Variants in SYNPR observed in about 807,000 individuals in gnomAD.
The protein encoded by SYNPR is synaptoporin.
SYNPR carries 23 observed loss-of-function variants against 32.9 expected under a neutral mutation model. The observed-to-expected ratio is 0.70, with a 90% CI of 0.50 to 0.99. The LOEUF (loss-of-function observed/expected upper bound fraction) is 0.99. Among genes scored for constraint, SYNPR ranks in the 50% least tolerant of loss-of-function variants. SYNPR has a pLI of 0.00. For synonymous variants in SYNPR, 146 were observed against 135.9 expected (o/e 1.07, Z -0.52); for missense variants, 318 against 349.3 (o/e 0.91, Z 0.71).
At chr3:63,542,719 T>C (rs111766384) in intron 3 of SYNPR, among the ~76,000 whole-genome samples, 48 of 152,248 alleles carry the variant, frequency 3.2e-4, no homozygotes, top group African/African-American at 1.1e-3. Context: ...AGAGAGCACC[T>C]GCCATATACT....
At chr3:63,494,449 AC>A (rs1701325755) in intron 3 of SYNPR, among the ~76,000 whole-genome samples, 1 of 108,652 alleles carries the variant, frequency 9.2e-6, no homozygotes, top group Non-Finnish European at 1.9e-5. Flanking sequence ...ATATATATAC[AC>A]ATATATATAC....
At position 63,393,703 on chromosome 3, in the gene SYNPR, G is replaced by T. The variant is rs190606636; in HGVS notation, c.85-87129G>T. Among the ~76,000 whole-genome samples, 5 of 151,922 alleles carry T rather than the reference G, an allele frequency of 3.3e-5. No individual in the cohort carries two copies. The East Asian group carries it at 9.7e-4, about 30-fold the overall frequency. Reference sequence around the variant, plus strand: ...TTTGTTTTGTTTTGTAAAGACAGGGGTCTTGCTGTGTTGCTCAGGGTGGTC... The same window carrying T: ...TTTGTTTTGTTTTGTAAAGACAGGGTTCTTGCTGTGTTGCTCAGGGTGGTC... On this transcript the variant is annotated intron_variant, in intron 2 of 5. Coordinates refer to ENST00000478300, the MANE Select transcript of SYNPR (RefSeq NM_001130003.2).
intron 2 of SYNPR, among the ~76,000 whole-genome samples, chr3:63,332,593 CCTTAAT>C (rs2087241930): frequency 6.6e-6 from 1 of 152,140 alleles, no homozygotes; most frequent in Non-Finnish European, 1.5e-5. Flanking sequence ...TGGGTTTTAA[CCTTAAT>C]AATAATGAAA....
intron 2 of SYNPR, among the ~76,000 whole-genome samples, chr3:63,419,574 TAAG>T (rs1559494510): frequency 6.6e-6 from 1 of 152,090 alleles, no homozygotes; most frequent in Non-Finnish European, 1.5e-5. Flanking sequence ...TATTTAAAGG[TAAG>T]AAGATTTTAT....
upstream of SYNPR, chr3:63,278,057 C>G (rs1292008797): frequency 6.4e-6 from 1 of 155,276 alleles, no homozygotes; most frequent in Admixed American, 6.5e-5. Flanking sequence ...CCTGGAAACC[C>G]CTTCTTCAGG....
intron 3 of SYNPR, among the ~76,000 whole-genome samples, chr3:63,535,703 G>C (rs889166962): frequency 6.6e-6 from 1 of 150,608 alleles, no homozygotes; most frequent in Non-Finnish European, 1.5e-5. Context: ...TTCAACAAAA[G>C]GTGCTGAGAC....
chr3:63,227,569 A>G (rs1273604373), upstream of SYNPR, among the ~76,000 whole-genome samples: 1 of 152,168 alleles, frequency 6.6e-6, no homozygotes, highest in Non-Finnish European at 1.5e-5. Flanking sequence ...ATCACATTCC[A>G]TGTTATCAGG....
chr3:63,402,458 C>G (rs944872210), intron 2 of SYNPR, among the ~76,000 whole-genome samples: 3 of 152,148 alleles, frequency 2.0e-5, no homozygotes. Flanking sequence ...ATTTTATAAT[C>G]CAGGGTCTGT....
intron 2 of SYNPR, among the ~76,000 whole-genome samples, chr3:63,284,177 C>G (rs1371814530): frequency 6.6e-6 from 1 of 151,802 alleles, no homozygotes; most frequent in South Asian, 2.1e-4. Context: ...TTTCCCTTTT[C>G]TTCTAAAAAA....
intron 2 of SYNPR, among the ~76,000 whole-genome samples, chr3:63,470,650 T>A (rs576126256): frequency 6.6e-6 from 1 of 152,306 alleles, no homozygotes; most frequent in East Asian, 1.9e-4. Context: ...CTCATCAGTT[T>A]CTGTGTCAGA....
At position 63,431,897 on chromosome 3, in the gene SYNPR, A is replaced by T. The variant is rs139766202; in HGVS notation, c.85-48935A>T. Reference sequence around the variant, plus strand: ...TTTCCAAAGCCCCTGTATGCATTGCAGCAGGCACTGTTAAGGCCATGCACC... The same window carrying T: ...TTTCCAAAGCCCCTGTATGCATTGCTGCAGGCACTGTTAAGGCCATGCACC... On this transcript the variant is annotated intron_variant, in intron 2 of 5. Coordinates refer to ENST00000478300, the MANE Select transcript of SYNPR (RefSeq NM_001130003.2). Among the ~76,000 whole-genome samples the T allele has an allele frequency of 3.5e-3, 521 of 149,432 alleles. 3 individuals are homozygous for T. The highest frequency in any genetic ancestry group is 0.012 in the African/African-American group (473 of 40,520).
chr3:63,602,770 T>C (rs1283107668), intron 4 of SYNPR, among the ~76,000 whole-genome samples: 3 of 152,126 alleles, frequency 2.0e-5, no homozygotes, highest in Admixed American at 6.6e-5. Context: ...AGCTTGAAGT[T>C]GGGTAAAGTA....
At chr3:63,261,590 T>C (rs1370317305) in intron 2 of SYNPR, among the ~76,000 whole-genome samples, 21 of 121,432 alleles carry the variant, frequency 1.7e-4, no homozygotes, top group Non-Finnish European at 3.3e-4. Flanking sequence ...GGGGGAGGGA[T>C]AGCATTAGGA....
At chr3:63,454,415 TG>T in intron 2 of SYNPR, among the ~76,000 whole-genome samples, 1 of 152,178 alleles carries the variant, frequency 6.6e-6, no homozygotes, top group East Asian at 1.9e-4. Context: ...CCACTTCTTC[TG>T]CTTCCCAGAG....
intron 3 of SYNPR, among the ~76,000 whole-genome samples, chr3:63,553,674 T>G (rs926615381): frequency 1.3e-5 from 2 of 152,192 alleles, no homozygotes; most frequent in African/African-American, 4.8e-5. Context: ...TTAGTGAAGA[T>G]GAGTATTTTT....
At chr3:63,421,095 A>C (rs1006807055) in intron 2 of SYNPR, among the ~76,000 whole-genome samples, 5 of 152,056 alleles carry the variant, frequency 3.3e-5, no homozygotes, top group Non-Finnish European at 7.4e-5. Context: ...TTGCCCAGGA[A>C]TGGTCTTAAA....
intron 3 of SYNPR, among the ~76,000 whole-genome samples, chr3:63,483,466 G>T (rs1369414567): frequency 6.6e-6 from 1 of 152,080 alleles, no homozygotes; most frequent in African/African-American, 2.4e-5. Flanking sequence ...ATAAATTCTG[G>T]AAGGATACAG....
At chr3:63,223,687 G>T (rs181291742), upstream of SYNPR, among the ~76,000 whole-genome samples, 321 of 152,296 alleles carry the variant, frequency 2.1e-3, 4 homozygotes, top group African/African-American at 7.2e-3. Context: ...GCATCGCCAT[G>T]TTATATGTGC....
chr3:63,503,301 T>A lies in SYNPR; in HGVS notation c.209+22345T>A, dbSNP rs540922789. Reference sequence around the variant, plus strand: ...TGGCCCATTTTTTAATCAGAATGTTTCCTTATTGTTGAGGTTTAGAAGTTT... The same window carrying A: ...TGGCCCATTTTTTAATCAGAATGTTACCTTATTGTTGAGGTTTAGAAGTTT... On this transcript the variant is annotated intron_variant, in intron 3 of 5. Transcript: ENST00000478300. Among the ~76,000 whole-genome samples, 253 of 152,290 alleles carry A rather than the reference T, an allele frequency of 1.7e-3. 1 individual carries two copies. The highest frequency in any genetic ancestry group is 5.7e-3 in the African/African-American group (237 of 41,576).
Sources: gnomAD v4.1 joint callset for allele counts (sites outside exome capture counted in the v4.1 genomes callset) on GRCh38, gnomAD v4.1.1 for gene constraint, MANE v1.5 for transcripts, NCBI Gene and HGNC (gene_info 2026-07-23, HGNC 2026-07-21) for gene names.